Variants in PRKCH observed in about 807,000 individuals in gnomAD.
PRKCH encodes the protein protein kinase C eta type.
Under a neutral mutation model 82.5 loss-of-function variants are expected in PRKCH, and 28 were observed. That is an observed-to-expected ratio of 0.34 (90% confidence interval 0.25 to 0.47). The LOEUF (loss-of-function observed/expected upper bound fraction) is 0.47, where lower values mean the gene tolerates loss of function less well. PRKCH is among the 20% of genes least tolerant of loss of function. The pLI, the probability that PRKCH is intolerant of heterozygous loss-of-function variation, is 1.00. For missense variants in PRKCH, 705 were observed against 881.8 expected, an observed-to-expected ratio of 0.80 and a Z score of 2.54; for synonymous variants, 322 against 327.4, an observed-to-expected ratio of 0.98 and a Z score of 0.18.
Position 61,332,960 on chromosome 14 carries a change from G to A in PRKCH, c.363+10496G>A, listed in dbSNP as rs149956919. ...GTTTTGTGGTTCTGGTAATGGTTCC[G>A]TTGGACAATGGAAATTCTGCTCCCT... On this transcript the variant is annotated intron_variant, in intron 1 of 13. Transcript: ENST00000332981. Among the ~76,000 whole-genome samples, 142 of 152,294 alleles carry A rather than the reference G, an allele frequency of 9.3e-4. 2 individuals are homozygous for A. Among genetic ancestry groups the A allele is most frequent in the African/African-American group, 3.3e-3 (137 of 41,556 alleles).
chr14:61,303,744 TTTG>T (rs1224661906), intron 1 of PRKCH: 1 of 151,936 alleles, frequency 6.6e-6, no homozygotes, highest in Admixed American at 6.6e-5. Context: ...TGTCTCATTT[TTTG>T]TTTGTTTCTC....
intron 1 of PRKCH, among the ~76,000 whole-genome samples, chr14:61,337,470 G>A (rs1295173029): frequency 2.0e-5 from 3 of 152,156 alleles, no homozygotes; most frequent in Admixed American, 2.0e-4. Flanking sequence ...AGTCTGGAGT[G>A]CAGTGGTACA....
At chr14:61,530,162 C>T (rs1463308132) in intron 11 of PRKCH, among the ~76,000 whole-genome samples, 1 of 152,068 alleles carries the variant, frequency 6.6e-6, no homozygotes, top group Non-Finnish European at 1.5e-5. Flanking sequence ...GGGATCTGCA[C>T]GAGCCCATCA....
At chr14:61,370,426 G>C (rs2046351045) in intron 1 of PRKCH, among the ~76,000 whole-genome samples, 1 of 152,064 alleles carries the variant, frequency 6.6e-6, no homozygotes, top group South Asian at 2.1e-4. Flanking sequence ...TAGGCCTGGG[G>C]GTGGGGCCTG....
At chr14:61,299,075 C>A (rs531354793) in intron 1 of PRKCH, among the ~76,000 whole-genome samples, 10 of 152,240 alleles carry the variant, frequency 6.6e-5, no homozygotes, top group Non-Finnish European at 2.9e-5. Context: ...GAGATAAAAG[C>A]ACTATCTTAT....
intron 1 of PRKCH, among the ~76,000 whole-genome samples, chr14:61,290,692 C>T (rs571382256): frequency 3.4e-4 from 52 of 152,316 alleles, no homozygotes; most frequent in African/African-American, 1.2e-3. Flanking sequence ...GAAATGGGTG[C>T]ATTGCTGTCC....
chr14:61,488,009 C>T (rs892197347), intron 10 of PRKCH, among the ~76,000 whole-genome samples: 33 of 152,118 alleles, frequency 2.2e-4, no homozygotes, highest in African/African-American at 7.2e-4. Flanking sequence ...AAAAATTAGC[C>T]GGGCAAGGTG....
intron 1 of PRKCH, among the ~76,000 whole-genome samples, chr14:61,248,794 A>ATG (rs879264781): frequency 0.064 from 276 of 4,294 alleles, 8 homozygotes; most frequent in South Asian, 0.41. Flanking sequence ...GTATGTATGT[A>ATG]TGTATGTGTG....
chr14:61,327,013 GGGGA>G, intron 1 of PRKCH: 1 of 455,806 alleles, frequency 2.2e-6, no homozygotes, highest in South Asian at 1.5e-5. Flanking sequence ...CTGGGGACAT[GGGGA>G]GGCAGGAGGA....
intron 1 of PRKCH, among the ~76,000 whole-genome samples, chr14:61,256,144 C>G (rs906025292): frequency 6.6e-6 from 1 of 152,154 alleles, no homozygotes; most frequent in Non-Finnish European, 1.5e-5. Context: ...ATCACAGTTC[C>G]ATGACTTGTC....
chr14:61,482,569 G>T (rs910558850), intron 9 of PRKCH, among the ~76,000 whole-genome samples: 2 of 152,174 alleles, frequency 1.3e-5, no homozygotes, highest in Non-Finnish European at 2.9e-5. Flanking sequence ...TCGTGTCTCA[G>T]CTGGCCTGTG....
At chr14:61,434,920 G>A (rs918029134) in intron 2 of PRKCH, among the ~76,000 whole-genome samples, 2 of 151,936 alleles carry the variant, frequency 1.3e-5, no homozygotes, top group Non-Finnish European at 2.9e-5. Context: ...TCAGGACCAG[G>A]GTAAATGTAA....
intron 12 of PRKCH, among the ~76,000 whole-genome samples, chr14:61,539,254 C>A (rs554741797): frequency 6.6e-6 from 1 of 152,164 alleles, no homozygotes; most frequent in South Asian, 2.1e-4. Flanking sequence ...GATTATAAAA[C>A]CCAGGAAAGG....
intron 1 of PRKCH, among the ~76,000 whole-genome samples, chr14:61,379,179 T>C (rs1441044666): frequency 6.6e-6 from 1 of 152,158 alleles, no homozygotes; most frequent in Non-Finnish European, 1.5e-5. Flanking sequence ...TTCTGTGCAT[T>C]TGCACACTCC....
intron 1 of PRKCH, among the ~76,000 whole-genome samples, chr14:61,274,816 G>T (rs963866761): frequency 3.3e-5 from 5 of 152,158 alleles, no homozygotes; most frequent in African/African-American, 4.8e-5. Flanking sequence ...AGTTTGGAGA[G>T]AAGTTAGGGT....
At chr14:61,475,340 C>T (rs1241399597) in intron 9 of PRKCH, among the ~76,000 whole-genome samples, 1 of 152,172 alleles carries the variant, frequency 6.6e-6, no homozygotes, top group Non-Finnish European at 1.5e-5. Flanking sequence ...TCCAAGATAT[C>T]TTCTTTGTGA....
intron 10 of PRKCH, among the ~76,000 whole-genome samples, chr14:61,497,921 G>A (rs1202657984): frequency 6.6e-6 from 1 of 152,048 alleles, no homozygotes; most frequent in Non-Finnish European, 1.5e-5. Context: ...TGTTGTCTGA[G>A]GTAATATAGG....
In PRKCH at chr14:61,282,746, C is replaced by T. The variant is rs117444121; in HGVS notation, c.-19+95078C>T. On this transcript the variant is annotated intron_variant, in intron 1 of 3. Transcript: ENST00000555185. ...TGATTTAATAATGGAACATTGATTCCAGTTTGTTAAATGAATGCAAGTTGG... is the reference window on the plus strand; with the variant it reads ...TGATTTAATAATGGAACATTGATTCTAGTTTGTTAAATGAATGCAAGTTGG... Among the ~76,000 whole-genome samples, 374 of 152,024 alleles carry T rather than the reference C, an allele frequency of 2.5e-3. 11 individuals carry two copies. The East Asian group carries it at 0.059, about 24-fold the overall frequency.
rs1452331563 is a variant in PRKCH at position 61,280,296 on chromosome 14, G to T, written c.-19+92628G>T. On this transcript the variant is annotated intron_variant, in intron 1 of 3. Coordinates refer to the PRKCH transcript ENST00000555185. The surrounding 1 kb of genome is among the most constrained non-coding windows in gnomAD (Gnocchi z 5.0). ...CCGGGTAGTTGTAGGTGATGTTGAC[G>T]CGGTAGGCGCCCCGCGGCAGCCCGG... 6.2e-7 allele frequency: 1 copy of T among 1,613,926 alleles called. No individual in the cohort carries two copies. The highest frequency in any genetic ancestry group is 1.3e-5 in the African/African-American group (1 of 75,054).
Sources: allele counts gnomAD v4.1 joint callset (sites outside exome capture counted in the v4.1 genomes callset), GRCh38; gene constraint gnomAD v4.1.1; non-coding constraint Gnocchi (gnomAD v3.1); transcripts MANE v1.5; gene names NCBI Gene and HGNC (gene_info 2026-07-23, HGNC 2026-07-21).